Variants in BMPER observed in about 807,000 individuals in gnomAD.
BMPER encodes BMP binding endothelial regulator.
BMPER carries 45 observed loss-of-function variants against 87.3 expected under a neutral mutation model. That is an observed-to-expected ratio of 0.52 (90% CI 0.41 to 0.66). The LOEUF is 0.66. BMPER is among the 30% of genes least tolerant of loss of function. The pLI is 0.00. For missense variants in BMPER, 784 were observed against 867.5 expected (o/e 0.90, Z 1.21); for synonymous variants, 326 against 316.2 (o/e 1.03, Z -0.33).
Position 33,905,612 on chromosome 7 carries a change from C to T in BMPER, c.-2C>T, listed in dbSNP as rs1783790460. On this transcript the variant is annotated 5_prime_UTR_variant, in exon 1 of 15. In the 5' UTR this introduces an upstream ATG that the reference lacks. Transcript: ENST00000649409. Reference sequence around the variant, plus strand: ...GTCGCCAGGGATTCCCTCCAGGTGACGATGCTCTGGTTCTCCGGCGTCGGG... The same window carrying T: ...GTCGCCAGGGATTCCCTCCAGGTGATGATGCTCTGGTTCTCCGGCGTCGGG... 3 of 1,612,312 alleles carry T rather than the reference C, an allele frequency of 1.9e-6. No homozygotes were observed. The highest frequency in any genetic ancestry group is 1.1e-5 in the South Asian group (1 of 91,026).
At position 34,058,276 on chromosome 7, in the gene BMPER, C is replaced by A. The variant is rs1236673224; in HGVS notation, c.1032+113C>A. ...GACTCCAGCTCCCCCAAAGCCTCTA[C>A]ATTCCTGACTAGTCAAATGCCTCTT... is the stretch of plus-strand genomic sequence containing the variant. On this transcript the variant is annotated intron_variant, in intron 10 of 14. Coordinates refer to ENST00000649409, the MANE Select transcript of BMPER (RefSeq NM_001365308.1). The A allele has an allele frequency of 3.0e-6, 3 of 998,362 alleles. No homozygotes were observed. The African/African-American group carries it at 4.8e-5, about 16-fold the overall frequency. The allele number at this position is 998,362 out of a possible 1,614,324, so 61.8% of individuals were successfully genotyped here. A position where few individuals can be genotyped will look rare whatever the true frequency, so the allele number is the denominator to read the frequency against.
chr7:33,915,355 C>G (rs895483447), intron 2 of BMPER, among the ~76,000 whole-genome samples: 1 of 152,148 alleles, frequency 6.6e-6, no homozygotes, highest in Non-Finnish European at 1.5e-5. Context: ...TAAGTTTGCT[C>G]TATTAAACTG....
intron 3 of BMPER, among the ~76,000 whole-genome samples, chr7:33,949,204 G>A (rs1784961514): frequency 6.6e-6 from 1 of 152,100 alleles, no homozygotes; most frequent in Non-Finnish European, 1.5e-5. Context: ...GTGTTCCAGT[G>A]AGACAATTGA....
chr7:34,088,670 A>T (rs1477587706), intron 13 of BMPER, among the ~76,000 whole-genome samples: 1 of 152,124 alleles, frequency 6.6e-6, no homozygotes, highest in African/African-American at 2.4e-5. Context: ...ACCTGGCAGG[A>T]TTGCTCCTCT....
At chr7:33,951,385 C>A (rs1335180820) in intron 3 of BMPER, among the ~76,000 whole-genome samples, 3 of 152,130 alleles carry the variant, frequency 2.0e-5, no homozygotes, top group Admixed American at 6.5e-5. Flanking sequence ...GTTTTATGCT[C>A]ACTTCCTGCC....
At chr7:34,149,610 G>A (rs1791119595) in intron 14 of BMPER, among the ~76,000 whole-genome samples, 1 of 152,018 alleles carries the variant, frequency 6.6e-6, no homozygotes, top group South Asian at 2.1e-4. Flanking sequence ...TGAACATTTA[G>A]TGCCAGGAAG....
intron 13 of BMPER, among the ~76,000 whole-genome samples, chr7:34,141,087 G>A (rs1437188458): frequency 6.6e-6 from 1 of 152,262 alleles, no homozygotes; most frequent in East Asian, 1.9e-4. Context: ...AAATATGATG[G>A]GTGTGGGTTA....
At chr7:34,065,003 C>G (rs1244751605) in intron 11 of BMPER, among the ~76,000 whole-genome samples, 1 of 152,126 alleles carries the variant, frequency 6.6e-6, no homozygotes, top group Admixed American at 6.5e-5. Flanking sequence ...GGATTCAGAA[C>G]AAACCTTTGG....
intron 13 of BMPER, among the ~76,000 whole-genome samples, chr7:34,107,025 T>G (rs1465752433): frequency 1.3e-5 from 2 of 152,136 alleles, no homozygotes; most frequent in Non-Finnish European, 2.9e-5. Flanking sequence ...CTCCATTGAT[T>G]TGCTTGTTAA....
chr7:33,953,838 C>T (rs916287535), intron 3 of BMPER, among the ~76,000 whole-genome samples: 3 of 152,130 alleles, frequency 2.0e-5, no homozygotes, highest in Non-Finnish European at 2.9e-5. Context: ...GCCTGCATTC[C>T]ACTTTCTGTC....
intron 2 of BMPER, among the ~76,000 whole-genome samples, chr7:33,927,743 C>T (rs890797533): frequency 3.9e-5 from 6 of 152,168 alleles, no homozygotes; most frequent in Admixed American, 1.3e-4. Flanking sequence ...CACTGTCACC[C>T]CAGGACTGGA....
At chr7:34,135,681 A>T (rs1340963640) in intron 13 of BMPER, among the ~76,000 whole-genome samples, 1 of 151,928 alleles carries the variant, frequency 6.6e-6, no homozygotes, top group East Asian at 1.9e-4. Context: ...TTAGCCTAGA[A>T]TTTCCTTTTT....
rs763824900 is a variant in BMPER, at chr7:34,078,873, G to A, written c.1095G>A (p.Thr365=). Residue 365 remains threonine, a synonymous_variant, in exon 12 of 15, where the codon ACG becomes ACA. Coordinates refer to ENST00000649409, the MANE Select transcript of BMPER (RefSeq NM_001365308.1). Reference sequence around the variant, plus strand: ...CCTCCGCAGAGCCCGGCGTTTGCACGGTGTTTGGAGATCCCCACTACAACA... The same window carrying A: ...CCTCCGCAGAGCCCGGCGTTTGCACAGTGTTTGGAGATCCCCACTACAACA... ...PICTEKPGVC[T]VFGDPHYNTF... 2.2e-5 allele frequency: 35 copies of A among 1,614,004 alleles called. No individual in the cohort carries two copies. Among genetic ancestry groups the A allele is most frequent in the Non-Finnish European group, 2.9e-5 (34 of 1,180,046 alleles).
Position 34,015,327 on chromosome 7 carries a change from G to A in BMPER, c.577-30979G>A, listed in dbSNP as rs558519172. Among the ~76,000 whole-genome samples the A allele has an allele frequency of 3.9e-5, 6 of 152,054 alleles. No homozygotes were observed. In the East Asian group the frequency reaches 1.2e-3, roughly 30 times the overall value. ...TAATAATAATACTTCACAGTGTTGA[G>A]TGAAGATCAGATGATTTGTTAAAAG... On this transcript the variant is annotated intron_variant, in intron 6 of 14. Transcript: ENST00000649409.
At chr7:34,122,754 CT>C (rs1237331813) in intron 13 of BMPER, among the ~76,000 whole-genome samples, 24 of 152,132 alleles carry the variant, frequency 1.6e-4, no homozygotes, top group African/African-American at 5.6e-4. Flanking sequence ...TTTCCACATG[CT>C]TTTAATAACA....
At chr7:34,112,066 A>G (rs778620181) in intron 13 of BMPER, among the ~76,000 whole-genome samples, 14 of 152,202 alleles carry the variant, frequency 9.2e-5, no homozygotes, top group Non-Finnish European at 2.9e-5. Flanking sequence ...AAACTTTCGT[A>G]TAAGTTTTGT....
intron 6 of BMPER, among the ~76,000 whole-genome samples, chr7:34,023,493 C>T (rs1406611662): frequency 2.6e-5 from 4 of 152,056 alleles, no homozygotes; most frequent in African/African-American, 7.2e-5. Flanking sequence ...GTCCTTCCCC[C>T]ATGCTTGTCC....
At chr7:34,090,024 A>C (rs1789336176) in intron 13 of BMPER, among the ~76,000 whole-genome samples, 1 of 152,206 alleles carries the variant, frequency 6.6e-6, no homozygotes, top group African/African-American at 2.4e-5. Context: ...ATATATAATT[A>C]AGTTCTTTTC....
At chr7:33,933,942 A>T (rs1004632580) in intron 2 of BMPER, among the ~76,000 whole-genome samples, 11 of 152,334 alleles carry the variant, frequency 7.2e-5, no homozygotes, top group African/African-American at 2.4e-4. Flanking sequence ...TTGGTGAAAA[A>T]AATGCACATA....
Sources: allele counts gnomAD v4.1 joint callset (sites outside exome capture counted in the v4.1 genomes callset), GRCh38; gene constraint gnomAD v4.1.1; transcripts MANE v1.5; gene names NCBI Gene and HGNC (gene_info 2026-07-23, HGNC 2026-07-21).